Variants in FRYL observed in about 807,000 individuals in gnomAD.
FRYL encodes the protein FRY like transcription coactivator, also known as protein furry homolog-like.
A neutral mutation model predicts 351.2 loss-of-function variants in FRYL; 150 were observed. That is an observed-to-expected ratio of 0.43 (90% CI 0.37 to 0.49). The LOEUF is 0.49. Ranked by LOEUF, FRYL falls within the 20% of genes least tolerant of loss-of-function variation. The pLI is 0.00. For synonymous variants in FRYL, 1,153 were observed against 1,257.1 expected (o/e 0.92, Z 1.75); for missense variants, 3,036 against 3,619.3 (o/e 0.84, Z 4.13).
At chr4:48,516,671 G>A (rs557429678) in intron 55 of FRYL, among the ~76,000 whole-genome samples, 2 of 152,266 alleles carry the variant, frequency 1.3e-5, no homozygotes, top group Admixed American at 1.3e-4. Context: ...ATAAAATGAA[G>A]GATTTTGACT....
intron 1 of FRYL, among the ~76,000 whole-genome samples, chr4:48,777,718 G>T (rs1776172756): frequency 6.6e-6 from 1 of 152,126 alleles, no homozygotes; most frequent in Non-Finnish European, 1.5e-5. Context: ...TAAATAAATT[G>T]GTAAGTAAAC....
chr4:48,570,761 G>A (rs1738123074), intron 27 of FRYL, 66 bp downstream of exon 27: 4 of 1,141,366 alleles, frequency 3.5e-6, no homozygotes, highest in Non-Finnish European at 5.3e-6. Context: ...TACATTTCAT[G>A]AGCGAAAAGA....
rs1161734085 is a variant in FRYL at position 48,614,721 on chromosome 4, CAAAA to C, written c.411+4549_411+4552del. On this transcript the variant is annotated intron_variant, in intron 7 of 63. Transcript: ENST00000358350. ...TGGGCAACAGAGTGAGACTCCATCT[CAAAA>C]AAAAAAAAAAAAAAAAAAGAGAAAC... Among the ~76,000 whole-genome samples, 32 of 47,122 alleles carry C rather than the reference CAAAA, an allele frequency of 6.8e-4. No homozygotes were observed. The South Asian group carries it at 0.033, about 49-fold the overall frequency. 30.9% of individuals were successfully genotyped at this position (47,122 alleles called of 152,430 possible). A position where few individuals can be genotyped will look rare whatever the true frequency, so the allele number is the denominator to read the frequency against.
chr4:48,551,689 G>T (rs1298931088), intron 36 of FRYL, 111 bp from the exon 37 acceptor site: 8 of 666,742 alleles, frequency 1.2e-5, no homozygotes, highest in Non-Finnish European at 2.0e-5. Context: ...TGAGAGCAAA[G>T]TCATTTAAAA....
intron 60 of FRYL, among the ~76,000 whole-genome samples, chr4:48,503,649 G>C (rs1450446273): frequency 6.6e-6 from 1 of 152,170 alleles, no homozygotes; most frequent in Non-Finnish European, 1.5e-5. Flanking sequence ...TCTTCTAAAA[G>C]TCATTCTTAA....
At chr4:48,739,058 T>G (rs1771754673) in intron 1 of FRYL, among the ~76,000 whole-genome samples, 2 of 152,098 alleles carry the variant, frequency 1.3e-5, no homozygotes, top group Middle Eastern at 3.4e-3. Flanking sequence ...AAAGAACAGA[T>G]AAACAGATCA....
At chr4:48,660,315 C>A (rs1200260590) in intron 3 of FRYL, among the ~76,000 whole-genome samples, 2 of 152,150 alleles carry the variant, frequency 1.3e-5, no homozygotes, top group Non-Finnish European at 2.9e-5. Flanking sequence ...ACCTAGCAGG[C>A]CTGACTGCTA....
At chr4:48,568,736 G>C (rs1436519436) in intron 27 of FRYL, among the ~76,000 whole-genome samples, 1 of 152,092 alleles carries the variant, frequency 6.6e-6, no homozygotes, top group African/African-American at 2.4e-5. Flanking sequence ...CCTTAAATAA[G>C]TGTTTTTCAA....
At chr4:48,747,885 T>G (rs976218562) in intron 1 of FRYL, among the ~76,000 whole-genome samples, 1 of 152,234 alleles carries the variant, frequency 6.6e-6, no homozygotes, top group Admixed American at 6.5e-5. Flanking sequence ...AAAAGTGCTA[T>G]TTTAAGAGGG....
At chr4:48,668,536 T>C (rs997913037) in intron 3 of FRYL, among the ~76,000 whole-genome samples, 1 of 152,190 alleles carries the variant, frequency 6.6e-6, no homozygotes, top group African/African-American at 2.4e-5. Flanking sequence ...AAGTAAAAAC[T>C]TGCTCTGGTA....
chr4:48,724,271 T>C (rs900746363), intron 1 of FRYL, among the ~76,000 whole-genome samples: 1 of 152,172 alleles, frequency 6.6e-6, no homozygotes, highest in African/African-American at 2.4e-5. Context: ...GACTTTTCCT[T>C]TCCCCTATTC....
At chr4:48,550,734 A>G in intron 37 of FRYL, 30 bp from the exon 38 acceptor site, 1 of 1,378,486 alleles carries the variant, frequency 7.3e-7, no homozygotes, top group Middle Eastern at 1.8e-4. Flanking sequence ...AGTTAGTCAC[A>G]GTTCACGGTG....
intron 4 of FRYL, among the ~76,000 whole-genome samples, chr4:48,627,914 G>A (rs888728803): frequency 6.6e-6 from 1 of 152,066 alleles, no homozygotes; most frequent in African/African-American, 2.4e-5. Flanking sequence ...GGGATTACAG[G>A]CGCCTACTAC....
chr4:48,563,776 T>A (rs1164326564), intron 31 of FRYL, among the ~76,000 whole-genome samples, 172 bp downstream of exon 31: 1 of 151,792 alleles, frequency 6.6e-6, no homozygotes. Context: ...GCATTTTATA[T>A]AGAAGGCTAG....
rs200937629 is a variant in FRYL at position 48,531,291 on chromosome 4, A to C, written c.6768T>G (p.Leu2256=). 5 of 1,613,764 alleles carry C rather than the reference A, an allele frequency of 3.1e-6. No homozygotes were observed. The highest frequency in any genetic ancestry group is 1.7e-5 in the Admixed American group (1 of 60,000). ...TCTTGGGGATATCACTGGGTACGACAAGACTCGCAGAGCGTGACACCACCA... is the reference window on the plus strand; with the variant it reads ...TCTTGGGGATATCACTGGGTACGACCAGACTCGCAGAGCGTGACACCACCA... ...LKLVVSRSAS[L]VVPSDIPKTY... The change falls in exon 50 of 64, where the codon CTT becomes CTG. Residue 2256 remains leucine, a synonymous_variant. Transcript: ENST00000358350.
intron 26 of FRYL, chr4:48,572,026 A>G: frequency 4.1e-6 from 4 of 980,108 alleles, no homozygotes; most frequent in Non-Finnish European, 4.8e-6. Flanking sequence ...AAATAGGAAT[A>G]CTATCATGAC....
chr4:48,770,510 T>C (rs1775401917), intron 1 of FRYL, among the ~76,000 whole-genome samples: 1 of 152,182 alleles, frequency 6.6e-6, no homozygotes, highest in Admixed American at 6.5e-5. Context: ...CAATCTCGGC[T>C]CACCGCAACC....
intron 3 of FRYL, chr4:48,653,669 A>G (rs1190501663): frequency 8.0e-7 from 1 of 1,244,556 alleles, no homozygotes; most frequent in Non-Finnish European, 1.1e-6. Context: ...GGCAATGATA[A>G]TAATACCTCA....
At chr4:48,541,369 TCTC>T (rs1730123716) in intron 45 of FRYL, among the ~76,000 whole-genome samples, 1 of 152,162 alleles carries the variant, frequency 6.6e-6, no homozygotes. Context: ...ATTTTCGATT[TCTC>T]CTCCTTCCTC....
Sources: allele counts gnomAD v4.1 joint callset (sites outside exome capture counted in the v4.1 genomes callset), GRCh38; gene constraint gnomAD v4.1.1; transcripts MANE v1.5; gene names NCBI Gene and HGNC (gene_info 2026-07-23, HGNC 2026-07-21).